Variants in C19orf18 observed in about 807,000 individuals in gnomAD.
The protein encoded by C19orf18 is uncharacterized protein C19orf18.
In C19orf18, 21 loss-of-function variants were observed where a neutral mutation model predicts 23.3. The ratio of observed to expected loss-of-function variants is 0.90; its 90% CI spans 0.64 to 1.30. C19orf18 has a LOEUF of 1.30. Among genes scored for constraint, C19orf18 ranks in the 50% most tolerant of loss-of-function variants. The probability of loss-of-function intolerance (pLI) is 0.00; values close to 1 mark genes in which losing one functional copy is unlikely to be tolerated. For synonymous variants in C19orf18, 96 were observed against 95.2 expected, an observed-to-expected ratio of 1.01 and a Z score of -0.05; for missense variants, 249 against 259.6, an observed-to-expected ratio of 0.96 and a Z score of 0.28.
chr19:57,959,611 C>A lies in C19orf18; in HGVS notation c.533-894G>T, dbSNP rs573617106. 1.7e-4 allele frequency among the ~76,000 whole-genome samples: 26 copies of A among 149,716 alleles called. 2 individuals are homozygous for A. The South Asian group carries it at 4.9e-3, about 28-fold the overall frequency. On this transcript the variant is annotated intron_variant, in intron 5 of 5. Coordinates refer to ENST00000314391, the MANE Select transcript of C19orf18 (RefSeq NM_152474.5). ...CTGCACTCCAGCCTGGGCAACAGAG[C>A]GAGACTCCATCTCAAAAAGAAACCA...
intron 4 of C19orf18, among the ~76,000 whole-genome samples, chr19:57,964,205 T>TTTTA (rs1224951484): frequency 6.6e-6 from 1 of 152,170 alleles, no homozygotes; most frequent in Non-Finnish European, 1.5e-5. Context: ...AGGAGATATG[T>TTTTA]TTTACTGAGT....
chr19:57,958,978 A>C (rs1273562238), intron 5 of C19orf18, among the ~76,000 whole-genome samples: 1 of 152,202 alleles, frequency 6.6e-6, no homozygotes, highest in African/African-American at 2.4e-5. Flanking sequence ...AATGTGGTAA[A>C]GAGACATTGG....
At chr19:57,965,111 TTTTTA>T (rs1395784763) in intron 4 of C19orf18, among the ~76,000 whole-genome samples, 4 of 137,888 alleles carry the variant, frequency 2.9e-5, no homozygotes, top group South Asian at 4.5e-4. Context: ...TAGCAAGTTC[TTTTTA>T]TTTTATTTAT....
intron 2 of C19orf18, among the ~76,000 whole-genome samples, chr19:57,973,145 C>CAAAAAAAAAAAAAAAA (rs61625681): frequency 4.1e-5 from 1 of 24,164 alleles, no homozygotes; most frequent in African/African-American, 1.4e-4. Flanking sequence ...GACTCCGTCT[C>CAAAAAAAAAAAAAAAA]AAAAAAAAAA....
intron 3 of C19orf18, among the ~76,000 whole-genome samples, chr19:57,966,864 G>A (rs112805145): frequency 0.034 from 5,120 of 151,140 alleles, 298 homozygotes; most frequent in African/African-American, 0.12. Flanking sequence ...TTCGCCTCCC[G>A]GGTCCGAGCA....
In C19orf18 at chr19:57,961,063, G is replaced by A. The variant is rs186614464; in HGVS notation, c.532+328C>T. Among the ~76,000 whole-genome samples the A allele has an allele frequency of 3.0e-4, 45 of 151,956 alleles. No homozygotes were observed. The East Asian group carries it at 7.8e-3, about 26-fold the overall frequency. ...ATCCTGGCTAAAATGGTGAAACCCC[G>A]TCTCTACTAAAAATACAAAAAATTA... On this transcript the variant is annotated intron_variant, in intron 5 of 5. Transcript: ENST00000314391.
chr19:57,965,845 G>T lies in C19orf18; in HGVS notation c.371+685C>A, dbSNP rs561040728. 6.6e-4 allele frequency among the ~76,000 whole-genome samples: 101 copies of T among 152,186 alleles called. No individual in the cohort carries two copies. In the South Asian group the frequency reaches 0.019, roughly 29 times the overall value. ...CAAACTGTGTCTTTCAAGCATTTTTGATCATGACTCCCAGTAAGAAATATA... is the reference window on the plus strand; with the variant it reads ...CAAACTGTGTCTTTCAAGCATTTTTTATCATGACTCCCAGTAAGAAATATA... On this transcript the variant is annotated intron_variant, in intron 4 of 5. Coordinates refer to ENST00000314391, the MANE Select transcript of C19orf18 (RefSeq NM_152474.5).
At chr19:57,962,740 C>A (rs1416074588) in intron 4 of C19orf18, among the ~76,000 whole-genome samples, 1 of 151,802 alleles carries the variant, frequency 6.6e-6, no homozygotes, top group Non-Finnish European at 1.5e-5. Context: ...GCTTGTAATC[C>A]CAGCTACTTG....
intron 3 of C19orf18, among the ~76,000 whole-genome samples, chr19:57,968,908 A>G (rs893581131): frequency 2.7e-4 from 41 of 152,166 alleles, no homozygotes; most frequent in Non-Finnish European, 1.5e-4. Context: ...AACTCACACA[A>G]TAAGCCAATC....
intron 3 of C19orf18, among the ~76,000 whole-genome samples, chr19:57,971,659 TG>T (rs1568568822): frequency 1.3e-5 from 2 of 152,126 alleles, no homozygotes; most frequent in Non-Finnish European, 2.9e-5. Flanking sequence ...TTAGTAGAGA[TG>T]GGGTTTCACC....
intron 4 of C19orf18, among the ~76,000 whole-genome samples, chr19:57,962,883 G>A (rs969506457): frequency 1.3e-5 from 2 of 151,896 alleles, no homozygotes; most frequent in African/African-American, 2.4e-5. Flanking sequence ...AAACTTTTAG[G>A]GTTAGTTTAT....
chr19:57,960,523 C>T (rs1187712106), intron 5 of C19orf18, among the ~76,000 whole-genome samples: 1 of 151,886 alleles, frequency 6.6e-6, no homozygotes, highest in Non-Finnish European at 1.5e-5. Flanking sequence ...CTGTGGTGGG[C>T]ATGGCATGCT....
chr19:57,965,375 T>C (rs1308042977), intron 4 of C19orf18, among the ~76,000 whole-genome samples: 1 of 152,070 alleles, frequency 6.6e-6, no homozygotes, highest in Non-Finnish European at 1.5e-5. Flanking sequence ...CCTCAGGTGA[T>C]GTACCCGCCT....
At chr19:57,961,650 G>C in intron 4 of C19orf18, 99 bp from the exon 5 acceptor site, 3 of 1,351,020 alleles carry the variant, frequency 2.2e-6, no homozygotes, top group Non-Finnish European at 3.1e-6. Flanking sequence ...GTCGCTTGTG[G>C]AGTGGGTGCA....
chr19:57,973,338 G>A (rs1240234247), intron 2 of C19orf18, among the ~76,000 whole-genome samples: 1 of 151,892 alleles, frequency 6.6e-6, no homozygotes, highest in Non-Finnish European at 1.5e-5. Context: ...AAGGGTTGCT[G>A]AGCTTCAAAG....
chr19:57,958,562 G>A lies in C19orf18; in HGVS notation c.*40C>T. ...GGCTCAGTCTCCCAGCACCCCCATA[G>A]TTTCTCCTCTGCCTCAGCCGGCACC... is the stretch of plus-strand genomic sequence containing the variant. On this transcript the variant is annotated 3_prime_UTR_variant, in exon 6 of 6. Coordinates refer to ENST00000314391, the MANE Select transcript of C19orf18 (RefSeq NM_152474.5). 7.2e-7 allele frequency: 1 copy of A among 1,392,124 alleles called. No homozygotes were observed. The highest frequency in any genetic ancestry group is 1.0e-6 in the Non-Finnish European group (1 of 1,003,444). 86.2% of individuals were successfully genotyped at this position (1,392,124 alleles called of 1,614,324 possible).
intron 3 of C19orf18, 76 bp downstream of exon 3, chr19:57,972,387 A>G (rs2072951004): frequency 6.5e-7 from 1 of 1,547,882 alleles, no homozygotes. Context: ...ACCAGCCAGC[A>G]CCCTCTGGAG....
chr19:57,969,562 AACAG>A (rs2072929914), intron 3 of C19orf18, among the ~76,000 whole-genome samples: 4 of 131,692 alleles, frequency 3.0e-5, no homozygotes, highest in African/African-American at 1.1e-4. Context: ...CTTAAAAAAA[AACAG>A]AAAAAAAAAA....
At chr19:57,973,145 C>CAAAAAAAAAAAAAAAAAAA (rs61625681) in intron 2 of C19orf18, among the ~76,000 whole-genome samples, 1 of 24,164 alleles carries the variant, frequency 4.1e-5, no homozygotes, top group African/African-American at 1.4e-4. Flanking sequence ...GACTCCGTCT[C>CAAAAAAAAAAAAAAAAAAA]AAAAAAAAAA....
Sources: gnomAD v4.1 joint callset for allele counts (sites outside exome capture counted in the v4.1 genomes callset) on GRCh38, gnomAD v4.1.1 for gene constraint, MANE v1.5 for transcripts, NCBI Gene and HGNC (gene_info 2026-07-23, HGNC 2026-07-21) for gene names.